Variants in QRFP observed in about 807,000 individuals in gnomAD.
QRFP encodes pyroglutamylated RFamide peptide, also known as orexigenic neuropeptide QRFP.
Under a neutral mutation model 9.1 loss-of-function variants are expected in QRFP, and 7 were observed. That is an observed-to-expected ratio of 0.77 (90% CI 0.44 to 1.45). QRFP has a LOEUF of 1.45. Ranked by LOEUF, QRFP falls within the 40% of genes most tolerant of loss-of-function variation. QRFP has a pLI of 0.01. For synonymous variants in QRFP, 91 were observed against 80.2 expected (o/e 1.13, Z -0.72); for missense variants, 204 against 185.4 (o/e 1.10, Z -0.58).
At chr9:130,894,695 A>T (rs1218374356) in intron 2 of QRFP, among the ~76,000 whole-genome samples, 1 of 152,090 alleles carries the variant, frequency 6.6e-6, no homozygotes, top group Non-Finnish European at 1.5e-5. Context: ...CTTGCCCCAG[A>T]TCTCATGGCC....
At chr9:130,893,887 A>G (rs770032860) in intron 2 of QRFP, 49 bp from the exon 3 acceptor site, 14 of 1,473,416 alleles carry the variant, frequency 9.5e-6, no homozygotes, top group Non-Finnish European at 1.2e-5. Context: ...CACGTGGCCA[A>G]GCGCAACTCA....
rs546336318 is a variant in QRFP at position 130,893,352 on chromosome 9, G to A, written c.*76C>T. 245 of 1,441,312 alleles carry A rather than the reference G, an allele frequency of 1.7e-4. 2 individuals carry two copies. In the East Asian group the frequency reaches 5.4e-3, roughly 32 times the overall value. The allele number at this position is 1,441,312 out of a possible 1,614,324, so 89.3% of individuals were successfully genotyped here. ...ATCATCTGGGTGTCGTGGTCTTTGA[G>A]ACTGGGGGAGAAGGCAGGAGTGAAG... On this transcript the variant is annotated 3_prime_UTR_variant, in exon 3 of 3. Transcript: ENST00000623824.
chr9:130,894,825 C>T (rs545060634), intron 2 of QRFP, among the ~76,000 whole-genome samples: 30 of 152,246 alleles, frequency 2.0e-4, no homozygotes, highest in Non-Finnish European at 4.1e-4. Context: ...ACCCAGCCTC[C>T]TGTAATGAAC....
chr9:130,893,310 A>T lies in QRFP; in HGVS notation c.*118T>A. The T allele has an allele frequency of 8.6e-7, 1 of 1,156,122 alleles. No individual in the cohort carries two copies. Among genetic ancestry groups the T allele is most frequent in the Non-Finnish European group, 1.2e-6 (1 of 816,430 alleles). The allele number at this position is 1,156,122 out of a possible 1,614,324, so 71.6% of individuals were successfully genotyped here. ...TAACCTGTCCTACCATGGATCGTTC[A>T]TCGTAACCAAGCCTACATCATCTGG... is the stretch of plus-strand genomic sequence containing the variant. On this transcript the variant is annotated 3_prime_UTR_variant, in exon 3 of 3. Coordinates refer to ENST00000623824, the MANE Select transcript of QRFP (RefSeq NM_198180.3).
intron 2 of QRFP, among the ~76,000 whole-genome samples, chr9:130,895,381 C>G (rs1407854734): frequency 6.6e-6 from 1 of 152,230 alleles, no homozygotes; most frequent in Admixed American, 6.5e-5. Context: ...TTTAGGGGTT[C>G]ATGCACCCCT....
chr9:130,896,765 C>G lies in QRFP; in HGVS notation c.-474G>C, dbSNP rs1831765942. 1.3e-5 allele frequency: 2 copies of G among 152,272 alleles called. No homozygotes were observed. The highest frequency in any genetic ancestry group is 4.8e-5 in the African/African-American group (2 of 41,440). 9.4% of individuals were successfully genotyped at this position (152,272 alleles called of 1,614,324 possible). On this transcript the variant is annotated 5_prime_UTR_variant, in exon 1 of 3. Transcript: ENST00000623824. Reference sequence around the variant, plus strand: ...TTGCTGGCCAGAACCAGCTTCCATCCCCCAGGCCAGGGCTGCCTCCGATGG... The same window carrying G: ...TTGCTGGCCAGAACCAGCTTCCATCGCCCAGGCCAGGGCTGCCTCCGATGG...
chr9:130,895,183 GC>G (rs2133052403), intron 2 of QRFP, among the ~76,000 whole-genome samples: 1 of 152,328 alleles, frequency 6.6e-6, no homozygotes, highest in East Asian at 1.9e-4. Flanking sequence ...CAGAGTGGGG[GC>G]TTCCACGAGG....
At position 130,893,794 on chromosome 9, in the gene QRFP, C is replaced by G; in HGVS notation, c.45G>C (p.Leu15=). ...TGTCCAGTAGAGGGAAGCAGGCGCCCAGCGGCAGGAAGAGGAAGTAGATCA... is the reference window on the plus strand; with the variant it reads ...TGTCCAGTAGAGGGAAGCAGGCGCCGAGCGGCAGGAAGAGGAAGTAGATCA... ...YPLIYFLFLP[L]GACFPLLDRR... is the part of the protein sequence containing the mutation. Residue 15 remains leucine, a synonymous_variant, in exon 3 of 3, where the codon CTG becomes CTC. Coordinates refer to ENST00000623824, the MANE Select transcript of QRFP (RefSeq NM_198180.3). 6.4e-7 allele frequency: 1 copy of G among 1,558,202 alleles called. No individual in the cohort carries two copies. The highest frequency in any genetic ancestry group is 8.7e-7 in the Non-Finnish European group (1 of 1,153,368).
chr9:130,893,406 C>A lies in QRFP; in HGVS notation c.*22G>T, dbSNP rs773064697. Reference sequence around the variant, plus strand: ...ATGGGGGTGAGTCCAAGAAGCAAATCCTTCCAAGGCGTCCTGGCCCTTCAC... The same window carrying A: ...ATGGGGGTGAGTCCAAGAAGCAAATACTTCCAAGGCGTCCTGGCCCTTCAC... On this transcript the variant is annotated 3_prime_UTR_variant, in exon 3 of 3. Coordinates refer to ENST00000623824, the MANE Select transcript of QRFP (RefSeq NM_198180.3). 3.9e-6 allele frequency: 6 copies of A among 1,542,632 alleles called. No individual in the cohort carries two copies. The South Asian group carries it at 6.2e-5, about 16-fold the overall frequency.
Position 130,893,799 on chromosome 9 carries a change from G to T in QRFP, c.40C>A (p.Pro14Thr). 2 of 1,556,722 alleles carry T rather than the reference G, an allele frequency of 1.3e-6. No homozygotes were observed. The highest frequency in any genetic ancestry group is 2.3e-5 in the East Asian group (1 of 43,960). The change falls in exon 3 of 3, where the codon CCG becomes ACG. Residue 14 changes from proline to threonine, a missense_variant. By Grantham distance (38) the Pro-to-Thr change is conservative (BLOSUM62 -1). Transcript: ENST00000623824. Reference sequence around the variant, plus strand: ...AGTAGAGGGAAGCAGGCGCCCAGCGGCAGGAAGAGGAAGTAGATCAGGGGG... The same window carrying T: ...AGTAGAGGGAAGCAGGCGCCCAGCGTCAGGAAGAGGAAGTAGATCAGGGGG... ...PYPLIYFLFLPLGACFPLLDR... is the reference protein window; with the variant it reads ...PYPLIYFLFLTLGACFPLLDR...
At position 130,896,029 on chromosome 9, in the gene QRFP, G is replaced by C. The variant is rs374433902; in HGVS notation, c.-285-48C>G. 192 of 152,372 alleles carry C rather than the reference G, an allele frequency of 1.3e-3. 3 individuals are homozygous for C. The South Asian group carries it at 0.016, about 13-fold the overall frequency. The allele number at this position is 152,372 out of a possible 1,614,324, so 9.4% of individuals were successfully genotyped here. On this transcript the variant is annotated intron_variant, in intron 1 of 2. Coordinates refer to ENST00000623824, the MANE Select transcript of QRFP (RefSeq NM_198180.3). ...TCATTAACTGCAAATTGCGGGCACA[G>C]ACCCTCGAGTCCCTTGGCGGGGGTT... is the stretch of plus-strand genomic sequence containing the variant.
At chr9:130,895,391 T>A (rs1403209916) in intron 2 of QRFP, among the ~76,000 whole-genome samples, 2 of 152,186 alleles carry the variant, frequency 1.3e-5, no homozygotes, top group Admixed American at 6.5e-5. Flanking sequence ...CATGCACCCC[T>A]TCAAGAATCT....
In QRFP at chr9:130,893,690, T is replaced by C. The variant is rs1246908074; in HGVS notation, c.149A>G (p.His50Arg). 1 of 1,605,852 alleles carries C rather than the reference T, an allele frequency of 6.2e-7. No homozygotes were observed. Among genetic ancestry groups the C allele is most frequent in the South Asian group, 1.1e-5 (1 of 90,776 alleles). The change falls in exon 3 of 3, where the codon CAC becomes CGC. Residue 50 changes from histidine to arginine, a missense_variant. By Grantham distance (29) the His-to-Arg change is conservative. Transcript: ENST00000623824. ...CCACCGAGAGGAACCCCACACGGAGTGGGGTCGGGGCCCCATGGCCAGGTC... is the reference window on the plus strand; with the variant it reads ...CCACCGAGAGGAACCCCACACGGAGCGGGGTCGGGGCCCCATGGCCAGGTC... The part of the protein sequence containing the change: ...WADLAMGPRP[H>R]SVWGSSRWLR...
chr9:130,893,665 C>G lies in QRFP; in HGVS notation c.174G>C (p.Trp58Cys), dbSNP rs1831718300. The change falls in exon 3 of 3, where the codon TGG (tryptophan) becomes TGC (cysteine). Residue 58 changes from tryptophan (W) to cysteine (C), a missense_variant. Trp to Cys is a radical substitution (Grantham distance 215). Coordinates refer to ENST00000623824, the MANE Select transcript of QRFP (RefSeq NM_198180.3). ...GGGCCTGTGGCTGTGAAGCTCTCAG[C>G]CACCGAGAGGAACCCCACACGGAGT... ...RPHSVWGSSR[W>C]LRASQPQALL... The G allele has an allele frequency of 6.2e-7, 1 of 1,601,996 alleles. No individual in the cohort carries two copies.
intron 2 of QRFP, among the ~76,000 whole-genome samples, chr9:130,894,795 TG>T (rs909545950): frequency 6.6e-6 from 1 of 152,100 alleles, no homozygotes; most frequent in African/African-American, 2.4e-5. Context: ...GTACTCCACA[TG>T]GCACTCGGGG....
In QRFP at chr9:130,893,439, C is replaced by T. The variant is rs747533005; in HGVS notation, c.400G>A (p.Gly134Ser). 23 of 1,583,558 alleles carry T rather than the reference C, an allele frequency of 1.5e-5. No individual in the cohort carries two copies. The highest frequency in any genetic ancestry group is 1.7e-4 in the Middle Eastern group (1 of 5,930). The part of the protein sequence containing the change: ...RKKGGFSFRF[G>S]RR ...GGCGTCCTGGCCCTTCACCGCCGAC[C>T]GAAGCGGAAGCTGAAGCCGCCTTTC... Residue 134 changes from glycine to serine, a missense_variant, in exon 3 of 3, where the codon GGT (glycine) becomes AGT (serine). By Grantham distance (56) the Gly-to-Ser change is moderately conservative (BLOSUM62 0). Coordinates refer to ENST00000623824, the MANE Select transcript of QRFP (RefSeq NM_198180.3).
chr9:130,895,167 C>T (rs1831739540), intron 2 of QRFP, among the ~76,000 whole-genome samples: 1 of 152,168 alleles, frequency 6.6e-6, no homozygotes, highest in South Asian at 2.1e-4. Flanking sequence ...TCCATCAGGG[C>T]GCAGGCAGAG....
At position 130,893,688 on chromosome 9, in the gene QRFP, A is replaced by C. The variant is rs753817825; in HGVS notation, c.151T>G (p.Ser51Ala). 96 of 1,608,170 alleles carry C rather than the reference A, an allele frequency of 6.0e-5. No homozygotes were observed. The highest frequency in any genetic ancestry group is 8.0e-5 in the Non-Finnish European group (94 of 1,177,450). ...ADLAMGPRPHSVWGSSRWLRA... is the reference protein window; with the variant it reads ...ADLAMGPRPHAVWGSSRWLRA... ...AGCCACCGAGAGGAACCCCACACGG[A>C]GTGGGGTCGGGGCCCCATGGCCAGG... is the stretch of plus-strand genomic sequence containing the variant. The change falls in exon 3 of 3, where the codon TCC becomes GCC. Residue 51 changes from serine to alanine, a missense_variant. Coordinates refer to ENST00000623824, the MANE Select transcript of QRFP (RefSeq NM_198180.3).
chr9:130,895,102 A>G (rs1831738866), intron 2 of QRFP, among the ~76,000 whole-genome samples: 1 of 152,188 alleles, frequency 6.6e-6, no homozygotes, highest in East Asian at 1.9e-4. Context: ...CAGTTCTTCT[A>G]AGCTTTCGTC....
Sources: gnomAD v4.1 joint callset for allele counts (sites outside exome capture counted in the v4.1 genomes callset) on GRCh38, gnomAD v4.1.1 for gene constraint, MANE v1.5 for transcripts, NCBI Gene and HGNC (gene_info 2026-07-23, HGNC 2026-07-21) for gene names.